Variants in EML4 observed in about 807,000 individuals in gnomAD.
EML4 encodes the protein echinoderm microtubule-associated protein-like 4.
EML4 carries 72 observed loss-of-function variants against 129.0 expected under a neutral mutation model. The observed-to-expected ratio is 0.56, with a 90% CI of 0.46 to 0.68. The LOEUF is 0.68. Among genes scored for constraint, EML4 ranks in the 30% least tolerant of loss-of-function variants. The probability of loss-of-function intolerance (pLI) is 0.00; values close to 1 mark genes in which losing one functional copy is unlikely to be tolerated. For synonymous variants in EML4, 532 were observed against 405.0 expected (o/e 1.31, Z -3.77); for missense variants, 1,363 against 1,190.6 (o/e 1.14, Z -2.13).
chr2:42,294,746 A>G (rs1233086039), intron 11 of EML4, among the ~76,000 whole-genome samples: 3 of 152,168 alleles, frequency 2.0e-5, no homozygotes, highest in Admixed American at 6.5e-5. Flanking sequence ...ATAATAGTAC[A>G]AAGAAAGATA....
At chr2:42,181,011 A>C (rs1670903214) in intron 1 of EML4, among the ~76,000 whole-genome samples, 1 of 152,240 alleles carries the variant, frequency 6.6e-6, no homozygotes, top group African/African-American at 2.4e-5. Context: ...AATGCCACAG[A>C]AGTGAAGCTG....
At chr2:42,270,307 C>A (rs1417059277) in intron 6 of EML4, among the ~76,000 whole-genome samples, 1 of 152,020 alleles carries the variant, frequency 6.6e-6, no homozygotes, top group Non-Finnish European at 1.5e-5. Context: ...GCCCATAATC[C>A]CAGCATTTTG....
intron 1 of EML4, among the ~76,000 whole-genome samples, chr2:42,176,802 A>AT (rs889875614): frequency 1.8e-4 from 27 of 151,820 alleles, no homozygotes; most frequent in African/African-American, 5.8e-4. Context: ...TTATTTATTT[A>AT]TTTTTTTATG....
At chr2:42,312,701 G>A (rs866158580) in intron 17 of EML4, among the ~76,000 whole-genome samples, 2 of 148,140 alleles carry the variant, frequency 1.4e-5, no homozygotes, top group East Asian at 2.1e-4. Flanking sequence ...CTACAGGCGC[G>A]TGCCACCATG....
At chr2:42,273,766 A>G (rs1284755597) in intron 6 of EML4, among the ~76,000 whole-genome samples, 1 of 152,184 alleles carries the variant, frequency 6.6e-6, no homozygotes, top group African/African-American at 2.4e-5. Flanking sequence ...AAATCTGTGA[A>G]ATAAGAAAGT....
chr2:42,169,621 T>A lies in EML4; in HGVS notation c.10T>A (p.Phe4Ile), dbSNP rs1284513593. ...GCGCTTTCCCCGCAAGATGGACGGT[T>A]TCGCCGGCAGTCTCGGTGAGTACGG... is the stretch of plus-strand genomic sequence containing the variant. MDG[F>I]AGSLDDSISA... Residue 4 changes from phenylalanine (F) to isoleucine (I), a missense_variant, in exon 1 of 23, where the codon TTC (phenylalanine) becomes ATC (isoleucine). Physicochemically the swap from Phe to Ile is conservative, Grantham distance 21. Coordinates refer to ENST00000318522, the MANE Select transcript of EML4 (RefSeq NM_019063.5). The A allele has an allele frequency of 1.2e-6, 2 of 1,601,238 alleles. No individual in the cohort carries two copies. The highest frequency in any genetic ancestry group is 8.5e-7 in the Non-Finnish European group (1 of 1,174,442).
intron 13 of EML4, among the ~76,000 whole-genome samples, chr2:42,298,714 C>T (rs1668093160): frequency 6.6e-6 from 1 of 151,392 alleles, no homozygotes; most frequent in African/African-American, 2.4e-5. Context: ...TTCCAGTTTT[C>T]CATCATTCTG....
chr2:42,213,266 C>G (rs1350734182), intron 1 of EML4, among the ~76,000 whole-genome samples: 1 of 152,178 alleles, frequency 6.6e-6, no homozygotes, highest in African/African-American at 2.4e-5. Context: ...TACTCCCCCT[C>G]CCACATCTAA....
intron 6 of EML4, among the ~76,000 whole-genome samples, chr2:42,267,910 T>C (rs1279853595): frequency 6.6e-6 from 1 of 152,222 alleles, no homozygotes; most frequent in Non-Finnish European, 1.5e-5. Context: ...GGACTATCTA[T>C]TGTTAGAGGT....
At chr2:42,180,936 T>C (rs1051560049) in intron 1 of EML4, among the ~76,000 whole-genome samples, 2 of 152,244 alleles carry the variant, frequency 1.3e-5, no homozygotes, top group Admixed American at 6.5e-5. Flanking sequence ...TCCAGTTGTT[T>C]TGTAGACTGT....
chr2:42,280,874 T>C lies in EML4; in HGVS notation c.692T>C (p.Met231Thr). The C allele has an allele frequency of 6.2e-7, 1 of 1,612,048 alleles. No individual in the cohort carries two copies. Among genetic ancestry groups the C allele is most frequent in the Non-Finnish European group, 8.5e-7 (1 of 1,179,044 alleles). ...NQEGEYIKMF[M>T]RGRPITMFIP... ...GAAGGAGAATATATTAAAATGTTTA[T>C]GCGCGGTCGGCCAATTACCATGTTC... The change falls in exon 7 of 23, where the codon ATG (methionine) becomes ACG (threonine). Residue 231 changes from methionine (M) to threonine (T), a missense_variant. Physicochemically the swap from Met to Thr is moderately conservative, Grantham distance 81. Transcript: ENST00000318522.
At chr2:42,254,284 G>A (rs750189474) in intron 2 of EML4, among the ~76,000 whole-genome samples, 2 of 151,960 alleles carry the variant, frequency 1.3e-5, no homozygotes, top group Non-Finnish European at 2.9e-5. Context: ...GCAAAACCCT[G>A]TCTCTACGAA....
rs185528069 is a variant in EML4 at position 42,203,771 on chromosome 2, C to T, written c.25+34135C>T. Among the ~76,000 whole-genome samples the T allele has an allele frequency of 2.2e-3, 337 of 151,030 alleles. 2 individuals are homozygous for T. The highest frequency in any genetic ancestry group is 3.1e-3 in the Non-Finnish European group (213 of 67,858). On this transcript the variant is annotated intron_variant, in intron 1 of 22. Coordinates refer to ENST00000318522, the MANE Select transcript of EML4 (RefSeq NM_019063.5). ...TATACTTCTATGCCACATGTATAGGCACAAAAAGGCCTGGACCTCAACAGT... is the reference window on the plus strand; with the variant it reads ...TATACTTCTATGCCACATGTATAGGTACAAAAAGGCCTGGACCTCAACAGT...
intron 1 of EML4, among the ~76,000 whole-genome samples, chr2:42,213,572 G>A (rs1673005942): frequency 6.6e-6 from 1 of 152,166 alleles, no homozygotes; most frequent in South Asian, 2.1e-4. Flanking sequence ...ATACTTTTAT[G>A]TACTATTTAC....
intron 11 of EML4, among the ~76,000 whole-genome samples, chr2:42,292,751 A>G (rs1667720525): frequency 6.6e-6 from 1 of 152,178 alleles, no homozygotes; most frequent in African/African-American, 2.4e-5. Context: ...GTGCATATAT[A>G]TATGTATATA....
Position 42,240,500 on chromosome 2 carries a change from T to A in EML4, c.26-5005T>A, listed in dbSNP as rs549582836. 1.2e-4 allele frequency among the ~76,000 whole-genome samples: 19 copies of A among 152,288 alleles called. No homozygotes were observed. In the South Asian group the frequency reaches 3.7e-3, roughly 30 times the overall value. ...TGTTTTGGTGTGTGTCTATCAATTATTCAGTACATATTGTTTTGCAGTTTG... is the reference window on the plus strand; with the variant it reads ...TGTTTTGGTGTGTGTCTATCAATTAATCAGTACATATTGTTTTGCAGTTTG... On this transcript the variant is annotated intron_variant, in intron 1 of 22. Transcript: ENST00000318522.
chr2:42,291,398 C>CTTT (rs5830720), intron 11 of EML4, among the ~76,000 whole-genome samples: 64 of 123,130 alleles, frequency 5.2e-4, no homozygotes, highest in African/African-American at 1.5e-3. Context: ...ATCAAGACAC[C>CTTT]TTTTTTTTTT....
intron 1 of EML4, among the ~76,000 whole-genome samples, chr2:42,217,843 T>C (rs949504053): frequency 1.3e-5 from 2 of 152,122 alleles, no homozygotes; most frequent in East Asian, 3.8e-4. Flanking sequence ...TTTAAATATG[T>C]AGATTTACTT....
At chr2:42,295,773 A>T (rs1270985684) in intron 13 of EML4, among the ~76,000 whole-genome samples, 2 of 152,210 alleles carry the variant, frequency 1.3e-5, no homozygotes. Flanking sequence ...AAGAAATGAT[A>T]TGGATATATG....
Sources: gnomAD v4.1 joint callset for allele counts (sites outside exome capture counted in the v4.1 genomes callset) on GRCh38, gnomAD v4.1.1 for gene constraint, MANE v1.5 for transcripts, NCBI Gene and HGNC (gene_info 2026-07-23, HGNC 2026-07-21) for gene names.